The following NUP210 variants were observed in gnomAD, a reference collection of about 807,000 sequenced individuals.
NUP210 encodes the protein nuclear pore membrane glycoprotein 210.
A neutral mutation model predicts 196.0 loss-of-function variants in NUP210; 151 were observed. The ratio of observed to expected loss-of-function variants is 0.77; its 90% CI spans 0.67 to 0.88. NUP210 has a LOEUF of 0.88. Ranked by LOEUF, NUP210 falls within the 40% of genes least tolerant of loss-of-function variation. The pLI is 0.00. For synonymous variants in NUP210, 1,070 were observed against 1,052.7 expected (o/e 1.02, Z -0.32); for missense variants, 2,314 against 2,493.7 (o/e 0.93, Z 1.53).
intron 2 of NUP210, among the ~76,000 whole-genome samples, chr3:13,398,661 T>C (rs1292861794): frequency 6.6e-6 from 1 of 152,216 alleles, no homozygotes; most frequent in Non-Finnish European, 1.5e-5. Flanking sequence ...AGCTCACACA[T>C]GTAATTCCGC....
At chr3:13,362,412 T>C (rs1698400842) in intron 14 of NUP210, among the ~76,000 whole-genome samples, 1 of 152,142 alleles carries the variant, frequency 6.6e-6, no homozygotes, top group Non-Finnish European at 1.5e-5. Context: ...ATTATGGCTA[T>C]CTATGAGGAA....
In NUP210 at chr3:13,323,067, T is replaced by G. The variant is rs7650923; in HGVS notation, c.4768+242A>C. On this transcript the variant is annotated intron_variant, in intron 34 of 39. Coordinates refer to ENST00000254508, the MANE Select transcript of NUP210 (RefSeq NM_024923.4). The surrounding 1 kb of genome is among the most constrained non-coding windows in gnomAD (Gnocchi z 4.3). ...CCTCGGGCTGAAGTCACATTTCCAG[T>G]GCAGAACAGGCACCTTCTGGGAGCT... Among the ~76,000 whole-genome samples the G allele has an allele frequency of 0.035, 5,308 of 152,296 alleles. 299 individuals carry two copies. Among genetic ancestry groups the G allele is most frequent in the African/African-American group, 0.12 (5,011 of 41,552 alleles).
Position 13,359,226 on chromosome 3 carries a change from A to G in NUP210, c.2155-831T>C, listed in dbSNP as rs187205316. Among the ~76,000 whole-genome samples the G allele has an allele frequency of 2.8e-3, 421 of 152,332 alleles. 3 individuals are homozygous for G. Among genetic ancestry groups the G allele is most frequent in the African/African-American group, 9.9e-3 (412 of 41,572 alleles). On this transcript the variant is annotated intron_variant, in intron 15 of 39. Transcript: ENST00000254508. ...GAGCAATGGATTGGGAGGGCCCTAG[A>G]GGTAACCCCAATTGGAGGTCACATT...
At position 13,379,842 on chromosome 3, in the gene NUP210, C is replaced by G; in HGVS notation, c.818-121G>C. 1.3e-6 allele frequency: 1 copy of G among 757,634 alleles called. No homozygotes were observed. The highest frequency in any genetic ancestry group is 2.0e-6 in the Non-Finnish European group (1 of 498,638). The allele number at this position is 757,634 out of a possible 1,614,324, so 46.9% of individuals were successfully genotyped here. On this transcript the variant is annotated intron_variant, in intron 6 of 39. Transcript: ENST00000254508. This position sits in a 1 kb window ranked among gnomAD's most constrained non-coding sequence, Gnocchi z 4.2. ...CACTCTGCTCTCAGTACAGCTGACGCATTTTCTTAATTGTTTTCAGTGCTT... is the reference window on the plus strand; with the variant it reads ...CACTCTGCTCTCAGTACAGCTGACGGATTTTCTTAATTGTTTTCAGTGCTT...
chr3:13,335,273 T>C (rs997226156), intron 28 of NUP210, among the ~76,000 whole-genome samples, 181 bp downstream of exon 28: 2 of 152,096 alleles, frequency 1.3e-5, no homozygotes, highest in Non-Finnish European at 2.9e-5. Context: ...ACCTCTGGGC[T>C]CCCATAGCAC....
At chr3:13,342,159 C>T (rs1009531659) in intron 21 of NUP210, 36 bp from the exon 22 acceptor site, 1 of 1,612,162 alleles carries the variant, frequency 6.2e-7, no homozygotes, top group Non-Finnish European at 8.5e-7. Flanking sequence ...GGGCAGCCTC[C>T]AAAAGACCAA....
chr3:13,346,613 C>T (rs755888648), intron 20 of NUP210, among the ~76,000 whole-genome samples: 22 of 152,202 alleles, frequency 1.4e-4, no homozygotes, highest in Non-Finnish European at 2.8e-4. Context: ...TGTCAAATAC[C>T]TCGGAGCTTG....
At chr3:13,372,129 G>A in intron 12 of NUP210, 97 bp from the exon 13 acceptor site, 2 of 1,141,170 alleles carry the variant, frequency 1.8e-6, no homozygotes, top group Non-Finnish European at 2.5e-6. Flanking sequence ...GCTGAGCACT[G>A]AGGATACATC....
intron 9 of NUP210, 27 bp downstream of exon 9, chr3:13,377,429 C>T (rs375798801): frequency 1.3e-6 from 2 of 1,539,668 alleles, no homozygotes; most frequent in Non-Finnish European, 1.8e-6. Flanking sequence ...CCTCATCCCC[C>T]CAGCCAGGAC....
Position 13,371,828 on chromosome 3 carries a change from G to C in NUP210, c.1786+6C>G. On this transcript the variant is annotated splice_donor_region_variant and intron_variant, in intron 13 of 39. Transcript: ENST00000254508. ...ATCTGGCACCTGCTCAGCAGCGCTGGTTTACCTGGGAGTGGCTGGAACACA... is the reference window on the plus strand; with the variant it reads ...ATCTGGCACCTGCTCAGCAGCGCTGCTTTACCTGGGAGTGGCTGGAACACA... The C allele has an allele frequency of 6.2e-7, 1 of 1,602,972 alleles. No homozygotes were observed. The highest frequency in any genetic ancestry group is 1.7e-5 in the Admixed American group (1 of 58,608).
intron 13 of NUP210, 30 bp downstream of exon 13, chr3:13,371,804 T>C: frequency 6.4e-7 from 1 of 1,572,634 alleles, no homozygotes; most frequent in Non-Finnish European, 8.6e-7. Flanking sequence ...AATCCCAGTA[T>C]CTGGCACCTG....
In NUP210 at chr3:13,392,344, C is replaced by A. The variant is rs577004348; in HGVS notation, c.437-1037G>T. ...TTTAATGAAGAGAGGCATCTTCTTA[C>A]AGTTCCCTGGGTGTCTTTCCGTCAA... is the stretch of plus-strand genomic sequence containing the variant. On this transcript the variant is annotated intron_variant, in intron 3 of 39. Transcript: ENST00000254508. Among the ~76,000 whole-genome samples the A allele has an allele frequency of 3.3e-5, 5 of 152,340 alleles. No individual in the cohort carries two copies. The South Asian group carries it at 6.2e-4, about 19-fold the overall frequency.
At position 13,420,210 on chromosome 3, in the gene NUP210, C is replaced by A. The variant is rs1700490203; in HGVS notation, c.17G>T (p.Arg6Leu). Residue 6 changes from arginine to leucine, a missense_variant, in exon 1 of 40, where the codon CGG (arginine) becomes CTG (leucine). Arg to Leu is a moderately radical substitution (Grantham distance 102). Coordinates refer to ENST00000254508, the MANE Select transcript of NUP210 (RefSeq NM_024923.4). This position sits in a 1 kb window ranked among gnomAD's most constrained non-coding sequence, Gnocchi z 4.8. The part of the protein sequence containing the change: MAARG[R>L]GLLLLTLSVL... Reference sequence around the variant, plus strand: ...CGACAGCGTCAGCAGCAGCAGCCCCCGGCCCCGCGCCGCCATCCTCGCCGC... The same window carrying A: ...CGACAGCGTCAGCAGCAGCAGCCCCAGGCCCCGCGCCGCCATCCTCGCCGC... 1.7e-6 allele frequency: 2 copies of A among 1,169,754 alleles called. No individual in the cohort carries two copies. The highest frequency in any genetic ancestry group is 3.8e-5 in the Admixed American group (1 of 26,468). 72.5% of individuals were successfully genotyped at this position (1,169,754 alleles called of 1,614,324 possible). A position where few individuals can be genotyped will look rare whatever the true frequency, so the allele number is the denominator to read the frequency against.
intron 17 of NUP210, 46 bp from the exon 18 acceptor site, chr3:13,353,706 C>T: frequency 6.5e-7 from 1 of 1,530,452 alleles, no homozygotes; most frequent in South Asian, 1.1e-5. Flanking sequence ...CTGCCCATCA[C>T]CACCCCTGAA....
chr3:13,343,074 G>A (rs1298576181), intron 21 of NUP210, 101 bp downstream of exon 21: 1 of 1,420,520 alleles, frequency 7.0e-7, no homozygotes. Context: ...CAGACCACAG[G>A]AGCAAAAGCA....
At position 13,336,899 on chromosome 3, in the gene NUP210, C is replaced by T. The variant is rs756932240; in HGVS notation, c.3572G>A (p.Gly1191Asp). 3 of 1,613,566 alleles carry T rather than the reference C, an allele frequency of 1.9e-6. No individual in the cohort carries two copies. Among genetic ancestry groups the T allele is most frequent in the Non-Finnish European group, 2.5e-6 (3 of 1,179,730 alleles). The change falls in exon 27 of 40, where the codon GGC (glycine) becomes GAC (aspartate). Residue 1191 changes from glycine (G) to aspartate (D), a missense_variant. Gly to Asp is a moderately conservative substitution (Grantham distance 94). Coordinates refer to ENST00000254508, the MANE Select transcript of NUP210 (RefSeq NM_024923.4). ...TGTQMPIYVT[G>D]ITNHQNPFSF... ...GAAAGGGTTCTGGTGGTTGGTGATG[C>T]CGGTGACATAGATGGGCATCTGCAG... is the stretch of plus-strand genomic sequence containing the variant.
At chr3:13,364,416 G>C (rs961070184) in intron 14 of NUP210, among the ~76,000 whole-genome samples, 1 of 152,198 alleles carries the variant, frequency 6.6e-6, no homozygotes, top group East Asian at 1.9e-4. Flanking sequence ...CTTGGCTTCT[G>C]CCCTGGCTGG....
Position 13,347,358 on chromosome 3 carries a change from C to A in NUP210, c.2836-4055G>T. 1 of 983,304 alleles carries A rather than the reference C, an allele frequency of 1.0e-6. No homozygotes were observed. Among genetic ancestry groups the A allele is most frequent in the Non-Finnish European group, 1.2e-6 (1 of 828,022 alleles). 60.9% of individuals were successfully genotyped at this position (983,304 alleles called of 1,614,324 possible). ...CCTGCTCTGGTCATCTCATGGGTTC[C>A]GCCTAGAGGACTTGATTGAAATGTA... On this transcript the variant is annotated intron_variant, in intron 20 of 39. Transcript: ENST00000254508. This position sits in a 1 kb window ranked among gnomAD's most constrained non-coding sequence, Gnocchi z 4.7.
intron 26 of NUP210, 130 bp downstream of exon 26, chr3:13,337,707 A>G: frequency 1.3e-6 from 1 of 782,642 alleles, no homozygotes; most frequent in Non-Finnish European, 2.1e-6. Context: ...GGGTGGGGAC[A>G]GGTGGGAAGC....
Sources: gnomAD v4.1 joint callset for allele counts (sites outside exome capture counted in the v4.1 genomes callset) on GRCh38, gnomAD v4.1.1 for gene constraint, Gnocchi (gnomAD v3.1) non-coding constraint, MANE v1.5 for transcripts, NCBI Gene and HGNC (gene_info 2026-07-23, HGNC 2026-07-21) for gene names.